The following RAP1GAP variants were observed in gnomAD, a reference collection of about 807,000 sequenced individuals.
The protein encoded by RAP1GAP is RAP1 GTPase activating protein.
A neutral mutation model predicts 87.2 loss-of-function variants in RAP1GAP; 35 were observed. The ratio of observed to expected loss-of-function variants is 0.40; its 90% CI spans 0.31 to 0.53. The LOEUF (loss-of-function observed/expected upper bound fraction) is 0.53, where lower values mean the gene tolerates loss of function less well. Ranked by LOEUF, RAP1GAP falls within the 20% of genes least tolerant of loss-of-function variation. The pLI is 0.48. For synonymous variants in RAP1GAP, 375 were observed against 363.9 expected (o/e 1.03, Z -0.35); for missense variants, 734 against 898.9 (o/e 0.82, Z 2.35).
chr1:21,658,269 T>G (rs532305142), intron 1 of RAP1GAP, among the ~76,000 whole-genome samples: 1 of 152,312 alleles, frequency 6.6e-6, no homozygotes, highest in African/African-American at 2.4e-5. Flanking sequence ...GACTTTCTGC[T>G]CTTAAATCTA....
At chr1:21,651,727 TGCACACGC>T in intron 1 of RAP1GAP, 3 of 1,097,024 alleles carry the variant, frequency 2.7e-6, no homozygotes, top group Non-Finnish European at 3.8e-6. Context: ...CCCCCACGCG[TGCACACGC>T]ACACGCGCGC....
At chr1:21,661,526 G>C (rs2097155293) in intron 1 of RAP1GAP, among the ~76,000 whole-genome samples, 1 of 152,190 alleles carries the variant, frequency 6.6e-6, no homozygotes. Flanking sequence ...ACATGGACCT[G>C]TGCTTAAATT....
At chr1:21,642,544 A>ACTAAG (rs893928226) in intron 2 of RAP1GAP, among the ~76,000 whole-genome samples, 9 of 152,122 alleles carry the variant, frequency 5.9e-5, no homozygotes, top group African/African-American at 1.9e-4. Context: ...ACAGCCCTGC[A>ACTAAG]CTAAGAGCAC....
intron 1 of RAP1GAP, among the ~76,000 whole-genome samples, chr1:21,650,569 A>G (rs1376520065): frequency 6.6e-6 from 1 of 152,132 alleles, no homozygotes; most frequent in Non-Finnish European, 1.5e-5. Context: ...ATGAGGAGGG[A>G]GCCCAGCCCA....
chr1:21,623,765 C>A (rs1230911167), intron 3 of RAP1GAP, among the ~76,000 whole-genome samples: 1 of 152,232 alleles, frequency 6.6e-6, no homozygotes, highest in Non-Finnish European at 1.5e-5. Context: ...CACTTCCAGG[C>A]CTGAATGCTT....
chr1:21,663,127 G>A (rs1192856647), intron 1 of RAP1GAP, among the ~76,000 whole-genome samples: 1 of 152,214 alleles, frequency 6.6e-6, no homozygotes, highest in Non-Finnish European at 1.5e-5. Flanking sequence ...TCCAGCCAGG[G>A]AGGGCTGTGG....
At chr1:21,633,525 G>A (rs567994012) in intron 2 of RAP1GAP, among the ~76,000 whole-genome samples, 4 of 152,284 alleles carry the variant, frequency 2.6e-5, no homozygotes, top group East Asian at 1.9e-4. Flanking sequence ...GGCTGGGACC[G>A]GGAGCAGGGG....
intron 7 of RAP1GAP, among the ~76,000 whole-genome samples, chr1:21,614,875 G>A (rs2081009718): frequency 6.6e-6 from 1 of 152,186 alleles, no homozygotes; most frequent in Non-Finnish European, 1.5e-5. Context: ...TGGCTGCCCG[G>A]CCACACCCGC....
Position 21,613,716 on chromosome 1 carries a change from G to C in RAP1GAP, c.396-10C>G, listed in dbSNP as rs1558684974. On this transcript the variant is annotated splice_polypyrimidine_tract_variant and intron_variant, in intron 8 of 24. Coordinates refer to ENST00000374765, the MANE Select transcript of RAP1GAP (RefSeq NM_002885.4). The surrounding 1 kb of genome is among the most constrained non-coding windows in gnomAD (Gnocchi z 4.7). Reference sequence around the variant, plus strand: ...TGTCCGGCACTTGGTCCTGAGAAGAGAAAGTCACACGATGAAGGCCTGGGC... The same window carrying C: ...TGTCCGGCACTTGGTCCTGAGAAGACAAAGTCACACGATGAAGGCCTGGGC... 1.2e-6 allele frequency: 2 copies of C among 1,607,310 alleles called. No homozygotes were observed. Among genetic ancestry groups the C allele is most frequent in the East Asian group, 2.2e-5 (1 of 44,854 alleles).
chr1:21,666,545 C>G (rs2097355588), intron 1 of RAP1GAP, among the ~76,000 whole-genome samples: 1 of 152,112 alleles, frequency 6.6e-6, no homozygotes, highest in Admixed American at 6.5e-5. Flanking sequence ...GAGTGGGAAG[C>G]ACCAGGCAGT....
chr1:21,606,519 G>A (rs1345464600), intron 17 of RAP1GAP, among the ~76,000 whole-genome samples: 1 of 152,204 alleles, frequency 6.6e-6, no homozygotes, highest in Non-Finnish European at 1.5e-5. Context: ...GCTGCTCTGT[G>A]CTGAGTGTCC....
At chr1:21,619,925 G>A in intron 4 of RAP1GAP, 90 bp downstream of exon 4, 3 of 1,397,152 alleles carry the variant, frequency 2.1e-6, no homozygotes, top group South Asian at 2.3e-5. Context: ...TCCTCAGGGA[G>A]GTGAAGGGCT....
intron 4 of RAP1GAP, 79 bp downstream of exon 4, chr1:21,619,936 G>A (rs530287744): frequency 2.0e-6 from 3 of 1,473,634 alleles, no homozygotes; most frequent in Non-Finnish European, 2.8e-6. Context: ...GTGAAGGGCT[G>A]GAGATGCAGC....
At chr1:21,647,726 C>A (rs1228480165) in intron 2 of RAP1GAP, among the ~76,000 whole-genome samples, 2 of 152,194 alleles carry the variant, frequency 1.3e-5, no homozygotes, top group African/African-American at 4.8e-5. Context: ...TTTCCCCTAC[C>A]CCAGGAACAT....
chr1:21,641,790 G>A (rs2095547478), intron 2 of RAP1GAP, among the ~76,000 whole-genome samples: 1 of 152,200 alleles, frequency 6.6e-6, no homozygotes, highest in African/African-American at 2.4e-5. Context: ...TTAGGGACAA[G>A]CTAACTCCAC....
At chr1:21,640,000 A>G (rs967263356) in intron 2 of RAP1GAP, among the ~76,000 whole-genome samples, 2 of 152,158 alleles carry the variant, frequency 1.3e-5, no homozygotes, top group Non-Finnish European at 2.9e-5. Flanking sequence ...AGCAGGATCC[A>G]GACGCCCGCC....
In RAP1GAP at chr1:21,666,422, A is replaced by G. The variant is rs568691406; in HGVS notation, c.-149+2832T>C. ...CACTGGGTCCTGTCCTGTCTTGGGA[A>G]GGACCTGCAGAACAACACCTTCAGA... On this transcript the variant is annotated intron_variant, in intron 1 of 24. Coordinates refer to ENST00000374765, the MANE Select transcript of RAP1GAP (RefSeq NM_002885.4). 4.6e-5 allele frequency among the ~76,000 whole-genome samples: 7 copies of G among 152,338 alleles called. No individual in the cohort carries two copies. The East Asian group carries it at 7.7e-4, about 17-fold the overall frequency.
rs764594114 is a variant in RAP1GAP, at chr1:21,603,828, C to T, written c.1429-915G>A. Reference sequence around the variant, plus strand: ...CCTCCAGAGCCGGCGGCCCCGCGGACGACAACCTCTTCCACGGTTCCTATG... The same window carrying T: ...CCTCCAGAGCCGGCGGCCCCGCGGATGACAACCTCTTCCACGGTTCCTATG... On this transcript the variant is annotated intron_variant, in intron 18 of 24. Coordinates refer to ENST00000374765, the MANE Select transcript of RAP1GAP (RefSeq NM_002885.4). The surrounding 1 kb of genome is among the most constrained non-coding windows in gnomAD (Gnocchi z 6.0). The T allele has an allele frequency of 8.1e-6, 13 of 1,610,904 alleles. No homozygotes were observed. The highest frequency in any genetic ancestry group is 1.6e-4 in the Middle Eastern group (1 of 6,076).
intron 2 of RAP1GAP, among the ~76,000 whole-genome samples, chr1:21,649,187 C>T (rs1208269469): frequency 6.6e-6 from 1 of 152,168 alleles, no homozygotes; most frequent in African/African-American, 2.4e-5. Context: ...TGAGAAGCTG[C>T]ACATACAGTT....
Sources: allele counts gnomAD v4.1 joint callset (sites outside exome capture counted in the v4.1 genomes callset), GRCh38; gene constraint gnomAD v4.1.1; non-coding constraint Gnocchi (gnomAD v3.1); transcripts MANE v1.5; gene names NCBI Gene and HGNC (gene_info 2026-07-23, HGNC 2026-07-21).